The following CDC42BPA variants were observed in gnomAD, a reference collection of about 807,000 sequenced individuals.
CDC42BPA encodes the protein serine/threonine-protein kinase MRCK alpha.
CDC42BPA carries 80 observed loss-of-function variants against 223.5 expected under a neutral mutation model. The ratio of observed to expected loss-of-function variants is 0.36; its 90% confidence interval spans 0.30 to 0.43. The LOEUF (loss-of-function observed/expected upper bound fraction) is 0.43, where lower values mean the gene tolerates loss of function less well. CDC42BPA is among the 20% of genes least tolerant of loss of function. The pLI is 1.00. For synonymous variants in CDC42BPA, 694 were observed against 718.6 expected, an observed-to-expected ratio of 0.97 and a Z score of 0.55; for missense variants, 1,743 against 2,099.9, an observed-to-expected ratio of 0.83 and a Z score of 3.32.
At chr1:227,310,084 A>C (rs1252814350) in intron 1 of CDC42BPA, among the ~76,000 whole-genome samples, 1 of 152,250 alleles carries the variant, frequency 6.6e-6, no homozygotes, top group East Asian at 1.9e-4. Flanking sequence ...GGAAGTTACA[A>C]GGAAAACCAT....
chr1:227,079,935 C>T (rs1680286827), intron 17 of CDC42BPA, among the ~76,000 whole-genome samples: 1 of 138,372 alleles, frequency 7.2e-6, no homozygotes, highest in African/African-American at 2.8e-5. Flanking sequence ...AGACAAAACA[C>T]AAAATTTGTG....
chr1:227,008,850 G>A (rs1316918328), intron 34 of CDC42BPA, among the ~76,000 whole-genome samples: 7 of 150,908 alleles, frequency 4.6e-5, no homozygotes, highest in South Asian at 2.1e-4. Flanking sequence ...TTCTTGGTGC[G>A]TTATTTAAAG....
intron 2 of CDC42BPA, among the ~76,000 whole-genome samples, chr1:227,213,793 A>G (rs956678241): frequency 6.6e-6 from 1 of 152,176 alleles, no homozygotes; most frequent in Admixed American, 6.6e-5. Flanking sequence ...AGAGCAATTA[A>G]AACTAACGAT....
chr1:227,043,437 T>G, intron 23 of CDC42BPA, among the ~76,000 whole-genome samples: 1 of 151,914 alleles, frequency 6.6e-6, no homozygotes, highest in East Asian at 1.9e-4. Flanking sequence ...AAAATTTAAT[T>G]TTCTTTTTAA....
intron 1 of CDC42BPA, among the ~76,000 whole-genome samples, chr1:227,284,967 A>G (rs1051464096): frequency 2.6e-5 from 4 of 151,628 alleles, no homozygotes; most frequent in Non-Finnish European, 5.9e-5. Context: ...CATCTCACAA[A>G]AAAAAAAAAA....
intron 5 of CDC42BPA, among the ~76,000 whole-genome samples, chr1:227,188,127 TTTAA>T (rs1451056478): frequency 6.6e-6 from 1 of 152,144 alleles, no homozygotes; most frequent in Non-Finnish European, 1.5e-5. Context: ...ACCTTTTATT[TTTAA>T]TTAGTCTAAA....
chr1:227,051,403 A>C (rs1235909361), intron 22 of CDC42BPA, among the ~76,000 whole-genome samples: 4 of 152,218 alleles, frequency 2.6e-5, no homozygotes, highest in Non-Finnish European at 4.4e-5. Flanking sequence ...TTGCACTATT[A>C]AATGTCAGGA....
In CDC42BPA at chr1:227,189,857, T is replaced by C. The variant is rs75747088; in HGVS notation, c.599+3929A>G. Among the ~76,000 whole-genome samples, 387 of 152,312 alleles carry C rather than the reference T, an allele frequency of 2.5e-3. 8 individuals are homozygous for C. In the East Asian group the frequency reaches 0.047, roughly 18 times the overall value. Reference sequence around the variant, plus strand: ...ACAGTCTCACTAGTCCCTTGTTGTATTCTCCACATCCCTATATTTTAAGTT... The same window carrying C: ...ACAGTCTCACTAGTCCCTTGTTGTACTCTCCACATCCCTATATTTTAAGTT... On this transcript the variant is annotated intron_variant, in intron 5 of 36. Transcript: ENST00000366766.
intron 1 of CDC42BPA, among the ~76,000 whole-genome samples, chr1:227,303,170 A>T (rs2148752151): frequency 6.6e-6 from 1 of 152,296 alleles, no homozygotes; most frequent in South Asian, 2.1e-4. Context: ...ACATGATGTG[A>T]AGCTCCAAAT....
In CDC42BPA at chr1:227,142,361, A is replaced by G. The variant is rs564659390; in HGVS notation, c.1223+584T>C. Among the ~76,000 whole-genome samples, 11 of 152,300 alleles carry G rather than the reference A, an allele frequency of 7.2e-5. No homozygotes were observed. The South Asian group carries it at 2.3e-3, about 32-fold the overall frequency. On this transcript the variant is annotated intron_variant, in intron 9 of 36. Transcript: ENST00000366766. ...TTGAAAGTTCTCCTGCTTGACATCT[A>G]GAGAATATTCAACAGCGTGAAACTC...
intron 5 of CDC42BPA, among the ~76,000 whole-genome samples, chr1:227,173,909 T>C (rs1013860284): frequency 6.6e-6 from 1 of 152,148 alleles, no homozygotes; most frequent in Non-Finnish European, 1.5e-5. Context: ...CCAATTGGTG[T>C]CAGAACTTGG....
chr1:227,101,620 C>G (rs1272895801), intron 14 of CDC42BPA, among the ~76,000 whole-genome samples: 1 of 151,882 alleles, frequency 6.6e-6, no homozygotes, highest in East Asian at 1.9e-4. Flanking sequence ...TGATGAAGAA[C>G]TGATAAAAAG....
At chr1:227,129,715 A>ATATATATATATATATATATATATATAT (rs1656667529) in intron 10 of CDC42BPA, among the ~76,000 whole-genome samples, 1 of 117,858 alleles carries the variant, frequency 8.5e-6, no homozygotes, top group Non-Finnish European at 1.8e-5. Context: ...ATATATATAT[A>ATATATATATATATATATATATATATAT]CAAAAGAATC....
At chr1:227,009,686 G>A (rs1345060922) in intron 34 of CDC42BPA, among the ~76,000 whole-genome samples, 1 of 152,078 alleles carries the variant, frequency 6.6e-6, no homozygotes, top group Non-Finnish European at 1.5e-5. Context: ...AAAGTGCTGG[G>A]ATTACATGTA....
intron 5 of CDC42BPA, 97 bp from the exon 6 acceptor site, chr1:227,160,733 T>A: frequency 1.5e-6 from 1 of 661,698 alleles, no homozygotes; most frequent in Non-Finnish European, 2.6e-6. Context: ...CAACTTATTT[T>A]AAAAGTAATA....
chr1:227,086,629 C>T (rs756682050), intron 16 of CDC42BPA, among the ~76,000 whole-genome samples: 57 of 150,984 alleles, frequency 3.8e-4, no homozygotes, highest in Non-Finnish European at 6.0e-4. Flanking sequence ...AATGTCTATT[C>T]GGCTTTGTTA....
intron 16 of CDC42BPA, among the ~76,000 whole-genome samples, chr1:227,088,245 T>C (rs74782247): frequency 0.06 from 9,119 of 152,308 alleles, 283 homozygotes; most frequent in Non-Finnish European, 0.073. Flanking sequence ...TAGAGAGTTA[T>C]TGTGAAAATT....
rs1360442749 is a variant in CDC42BPA, at chr1:227,193,768, A to T, written c.599+18T>A. The T allele has an allele frequency of 1.3e-6, 2 of 1,573,230 alleles. No homozygotes were observed. Among genetic ancestry groups the T allele is most frequent in the Non-Finnish European group, 1.7e-6 (2 of 1,160,552 alleles). ...TACATGGTAACTCACAGCCAGGTAC[A>T]ATGAAGGACTGTTTTACCTGTGTAC... On this transcript the variant is annotated intron_variant, in intron 5 of 36. Transcript: ENST00000366766.
intron 5 of CDC42BPA, among the ~76,000 whole-genome samples, chr1:227,163,013 C>T (rs1664292139): frequency 8.1e-5 from 5 of 61,976 alleles, no homozygotes. Context: ...TGTTTCCAAA[C>T]GTGTATGTTT....
Sources: gnomAD v4.1 joint callset for allele counts (sites outside exome capture counted in the v4.1 genomes callset) on GRCh38, gnomAD v4.1.1 for gene constraint, MANE v1.5 for transcripts, NCBI Gene and HGNC (gene_info 2026-07-23, HGNC 2026-07-21) for gene names.